GFPT2: variants seen among roughly 807,000 people sequenced by gnomAD.
The protein encoded by GFPT2 is glutamine--fructose-6-phosphate transaminase 2.
A neutral mutation model predicts 85.6 loss-of-function variants in GFPT2; 62 were observed. The ratio of observed to expected loss-of-function variants is 0.72; its 90% CI spans 0.59 to 0.90. The LOEUF (loss-of-function observed/expected upper bound fraction) is 0.90, where lower values mean the gene tolerates loss of function less well. GFPT2 is among the 40% of genes least tolerant of loss of function. The probability of loss-of-function intolerance (pLI) is 0.00; values close to 1 mark genes in which losing one functional copy is unlikely to be tolerated. For missense variants in GFPT2, 788 were observed against 893.4 expected (o/e 0.88, Z 1.50); for synonymous variants, 368 against 344.5 (o/e 1.07, Z -0.75).
intron 16 of GFPT2, among the ~76,000 whole-genome samples, chr5:180,305,774 G>A (rs1357572965): frequency 6.6e-6 from 1 of 152,148 alleles, no homozygotes; most frequent in African/African-American, 2.4e-5. Flanking sequence ...GGGACTGACA[G>A]TGCACCCCAG....
In GFPT2 at chr5:180,303,012, G is replaced by A. The variant is rs1033121221; in HGVS notation, c.1843-428C>T. Among the ~76,000 whole-genome samples the A allele has an allele frequency of 1.5e-4, 22 of 151,276 alleles. 1 individual carries two copies. Among genetic ancestry groups the A allele is most frequent in the African/African-American group, 9.7e-5 (4 of 41,292 alleles). The stretch of plus-strand genomic sequence containing the variant: ...TGGGAGGCTGAGGCGGGTGGATCAC[G>A]AGGTCAGGAGATCGAGACCATCCTG... On this transcript the variant is annotated intron_variant, in intron 17 of 18. Coordinates refer to ENST00000253778, the MANE Select transcript of GFPT2 (RefSeq NM_005110.4).
At chr5:180,325,444 G>C (rs1470066648) in intron 7 of GFPT2, among the ~76,000 whole-genome samples, 2 of 152,094 alleles carry the variant, frequency 1.3e-5, no homozygotes, top group South Asian at 2.1e-4. Flanking sequence ...TGATTTCTTG[G>C]GTGGTTTTTT....
In GFPT2 at chr5:180,323,064, C is replaced by T. The variant is rs1764149369; in HGVS notation, c.794+1124G>A. Among the ~76,000 whole-genome samples the T allele has an allele frequency of 6.6e-6, 1 of 152,034 alleles. No individual in the cohort carries two copies. The highest frequency in any genetic ancestry group is 1.5e-5 in the Non-Finnish European group (1 of 68,018). Reference sequence around the variant, plus strand: ...TAAATAAAAATAAAAAAAGAAACATCTATCATATTTCATTGAATATAAGTT... The same window carrying T: ...TAAATAAAAATAAAAAAAGAAACATTTATCATATTTCATTGAATATAAGTT... On this transcript the variant is annotated intron_variant, in intron 9 of 18. Transcript: ENST00000253778. The surrounding 1 kb of genome is among the most constrained non-coding windows in gnomAD (Gnocchi z 4.0).
At chr5:180,313,721 G>T in intron 14 of GFPT2, 86 bp downstream of exon 14, 2 of 1,202,056 alleles carry the variant, frequency 1.7e-6, no homozygotes, top group Non-Finnish European at 2.3e-6. Context: ...CGGTGGCGCG[G>T]GCAGAGCAGG....
chr5:180,340,016 A>G (rs1764478125), intron 1 of GFPT2, among the ~76,000 whole-genome samples: 1 of 152,208 alleles, frequency 6.6e-6, no homozygotes, highest in Non-Finnish European at 1.5e-5. Context: ...AAAATACCAC[A>G]GACTGCCTGG....
chr5:180,329,998 C>T (rs139384390), intron 6 of GFPT2, among the ~76,000 whole-genome samples: 284 of 152,316 alleles, frequency 1.9e-3, no homozygotes, highest in African/African-American at 6.7e-3. Flanking sequence ...CATTCCGTTC[C>T]ACATACAGAC....
chr5:180,316,692 G>T, intron 12 of GFPT2, 72 bp downstream of exon 12: 2 of 1,108,046 alleles, frequency 1.8e-6, no homozygotes, highest in Non-Finnish European at 2.7e-6. Flanking sequence ...GGCCACATGA[G>T]TGATAAAACT....
At chr5:180,311,736 G>A (rs1011254336) in intron 15 of GFPT2, among the ~76,000 whole-genome samples, 6 of 152,114 alleles carry the variant, frequency 3.9e-5, no homozygotes, top group African/African-American at 1.2e-4. Flanking sequence ...GTCATGAGGT[G>A]TGTTATGAAA....
intron 1 of GFPT2, among the ~76,000 whole-genome samples, chr5:180,344,206 A>G (rs1581390173): frequency 6.6e-6 from 1 of 152,216 alleles, no homozygotes; most frequent in East Asian, 1.9e-4. Context: ...GCAGAATATG[A>G]GTAAATTACG....
Position 180,301,301 on chromosome 5 carries a change from T to A in GFPT2, c.*263A>T. ...GTTACTCTGAAGAGAGCTGTATCTC[T>A]ATTGCACAGTAGTGGAGAAGTCTGC... is the stretch of plus-strand genomic sequence containing the variant. On this transcript the variant is annotated 3_prime_UTR_variant, in exon 19 of 19. Coordinates refer to ENST00000253778, the MANE Select transcript of GFPT2 (RefSeq NM_005110.4). 1.8e-6 allele frequency: 1 copy of A among 540,770 alleles called. No individual in the cohort carries two copies. The highest frequency in any genetic ancestry group is 3.3e-6 in the Non-Finnish European group (1 of 307,526). The allele number at this position is 540,770 out of a possible 1,614,324, so 33.5% of individuals were successfully genotyped here. A position where few individuals can be genotyped will look rare whatever the true frequency, so the allele number is the denominator to read the frequency against.
chr5:180,301,275 A>G lies in GFPT2; in HGVS notation c.*289T>C. The stretch of plus-strand genomic sequence containing the variant: ...CTAGTGTTGGTTATAAAAGGTTCAC[A>G]GTTACTCTGAAGAGAGCTGTATCTC... On this transcript the variant is annotated 3_prime_UTR_variant, in exon 19 of 19. Transcript: ENST00000253778. The G allele has an allele frequency of 2.2e-6, 1 of 460,662 alleles. No homozygotes were observed. The allele number at this position is 460,662 out of a possible 1,614,324, so 28.5% of individuals were successfully genotyped here.
At chr5:180,301,759 A>T in intron 18 of GFPT2, 151 bp from the exon 19 acceptor site, 1 of 675,046 alleles carries the variant, frequency 1.5e-6, no homozygotes, top group Admixed American at 2.5e-5. Context: ...CAGATTCCTT[A>T]GTCCAGAAGC....
At chr5:180,345,624 C>T (rs886884780) in intron 1 of GFPT2, among the ~76,000 whole-genome samples, 22 of 152,244 alleles carry the variant, frequency 1.4e-4, no homozygotes, top group African/African-American at 4.8e-4. Context: ...TCTTCGGCTC[C>T]CCGCTGGATT....
In GFPT2 at chr5:180,312,499, T is replaced by C; in HGVS notation, c.1477A>G (p.Met493Val). 6.2e-7 allele frequency: 1 copy of C among 1,611,426 alleles called. No homozygotes were observed. The highest frequency in any genetic ancestry group is 8.5e-7 in the Non-Finnish European group (1 of 1,177,488). Residue 493 changes from methionine to valine, a missense_variant, in exon 15 of 19, where the codon ATG becomes GTG. Met to Val is a conservative substitution (Grantham distance 21). Transcript: ENST00000253778. ...TGTAGTGAAATTCGGTCTTCAGACA[T>C]CATCAAACCAAACATCACCAGAGAG... is the stretch of plus-strand genomic sequence containing the variant. ...FISLVMFGLM[M>V]SEDRISLQNR...
intron 14 of GFPT2, among the ~76,000 whole-genome samples, chr5:180,312,879 C>G (rs1472821737): frequency 6.6e-6 from 1 of 152,094 alleles, no homozygotes; most frequent in East Asian, 1.9e-4. Flanking sequence ...CAGGTTCAAG[C>G]GATTCTCCTG....
rs931071821 is a variant in GFPT2, at chr5:180,329,000, G to A, written c.535-662C>T. 6.6e-6 allele frequency among the ~76,000 whole-genome samples: 1 copy of A among 152,208 alleles called. No homozygotes were observed. The highest frequency in any genetic ancestry group is 2.4e-5 in the African/African-American group (1 of 41,460). ...GCCTCAGCTGGTTGGTTTGTGCAAA[G>A]CCAGAACTAGAATCCAGCTCTCCTA... On this transcript the variant is annotated intron_variant, in intron 6 of 18. Coordinates refer to ENST00000253778, the MANE Select transcript of GFPT2 (RefSeq NM_005110.4). The surrounding 1 kb of genome is among the most constrained non-coding windows in gnomAD (Gnocchi z 5.4).
In GFPT2 at chr5:180,324,298, C is replaced by T; in HGVS notation, c.684G>A (p.Leu228=). The change falls in exon 9 of 19, where the codon CTG becomes CTA. Residue 228 remains leucine (L), a synonymous_variant. Coordinates refer to ENST00000253778, the MANE Select transcript of GFPT2 (RefSeq NM_005110.4). ...QIPILYRTCT[L]ENVKNICKTR... is the part of the protein sequence containing the mutation. ...TCTTACAGATATTCTTCACATTCTC[C>T]AGAGTGCCTAGCAAATGGAGGAATG... 1.3e-6 allele frequency: 2 copies of T among 1,578,454 alleles called. No homozygotes were observed. Among genetic ancestry groups the T allele is most frequent in the Non-Finnish European group, 8.7e-7 (1 of 1,152,040 alleles).
At chr5:180,345,596 C>T (rs993548509) in intron 1 of GFPT2, among the ~76,000 whole-genome samples, 11 of 152,274 alleles carry the variant, frequency 7.2e-5, no homozygotes, top group African/African-American at 2.4e-4. Flanking sequence ...CCACGCTGCA[C>T]TTGCTTCCTT....
intron 10 of GFPT2, among the ~76,000 whole-genome samples, chr5:180,317,553 A>G (rs1764035906): frequency 6.9e-6 from 1 of 145,302 alleles, no homozygotes. Flanking sequence ...AAGTCAGGAG[A>G]TCGAGACCAT....
Sources: gnomAD v4.1 joint callset for allele counts (sites outside exome capture counted in the v4.1 genomes callset) on GRCh38, gnomAD v4.1.1 for gene constraint, Gnocchi (gnomAD v3.1) non-coding constraint, MANE v1.5 for transcripts, NCBI Gene and HGNC (gene_info 2026-07-23, HGNC 2026-07-21) for gene names.